NRG3: variants seen among roughly 807,000 people sequenced by gnomAD.
NRG3 encodes pro-neuregulin-3, membrane-bound isoform.
Under a neutral mutation model 66.9 loss-of-function variants are expected in NRG3, and 31 were observed. The ratio of observed to expected loss-of-function variants is 0.46; its 90% confidence interval spans 0.35 to 0.63. The LOEUF (loss-of-function observed/expected upper bound fraction) is 0.63. Ranked by LOEUF, NRG3 falls within the 20% of genes least tolerant of loss-of-function variation. The pLI, the probability that NRG3 is intolerant of heterozygous loss-of-function variation, is 0.00. For synonymous variants in NRG3, 393 were observed against 359.4 expected, an observed-to-expected ratio of 1.09 and a Z score of -1.06; for missense variants, 910 against 878.9, an observed-to-expected ratio of 1.04 and a Z score of -0.45.
rs141112949 is a variant in NRG3, at chr10:82,582,662, T to TTGTGTG, written c.954-155883_954-155878dup. On this transcript the variant is annotated intron_variant, in intron 2 of 8. Coordinates refer to ENST00000372141, the MANE Select transcript of NRG3 (RefSeq NM_001010848.4). ...GAAGAGGGAAAAATATCTATATGTG[T>TTGTGTG]TGTGTGTGTGTGTGTGTGTGTGTGT... Among the ~76,000 whole-genome samples the TTGTGTG allele has an allele frequency of 8.4e-3, 1,237 of 146,464 alleles. 14 individuals carry two copies. The highest frequency in any genetic ancestry group is 0.018 in the African/African-American group (744 of 40,306).
At chr10:82,590,830 T>C (rs910337353) in intron 2 of NRG3, among the ~76,000 whole-genome samples, 1 of 152,084 alleles carries the variant, frequency 6.6e-6, no homozygotes, top group Non-Finnish European at 1.5e-5. Flanking sequence ...AGGTGTTGGG[T>C]GCAAAGGAAG....
chr10:82,833,550 G>C (rs2062631814), intron 3 of NRG3, among the ~76,000 whole-genome samples: 1 of 152,122 alleles, frequency 6.6e-6, no homozygotes, highest in African/African-American at 2.4e-5. Context: ...CATTCTACTT[G>C]ATGGAATCCA....
chr10:82,231,609 A>G (rs868294625), intron 1 of NRG3, among the ~76,000 whole-genome samples: 3 of 152,242 alleles, frequency 2.0e-5, no homozygotes, highest in Non-Finnish European at 4.4e-5. Context: ...CAAGAAATCA[A>G]TAGGAATGGA....
chr10:82,151,288 T>G (rs2132787968), intron 1 of NRG3, among the ~76,000 whole-genome samples: 1 of 152,288 alleles, frequency 6.6e-6, no homozygotes. Context: ...GACTAAGAAT[T>G]AATTTGGGAT....
At chr10:81,904,871 C>T (rs533695756) in intron 1 of NRG3, among the ~76,000 whole-genome samples, 3 of 152,198 alleles carry the variant, frequency 2.0e-5, no homozygotes, top group South Asian at 4.1e-4. Flanking sequence ...TGGTACCTGC[C>T]TCAGAGGGTT....
rs535839887 is a variant in NRG3, at chr10:82,882,758, G to T, written c.1054+17321G>T. Among the ~76,000 whole-genome samples, 3 of 152,202 alleles carry T rather than the reference G, an allele frequency of 2.0e-5. No individual in the cohort carries two copies. In the South Asian group the frequency reaches 6.2e-4, roughly 32 times the overall value. ...TTCCCAGAGCCTTTGGCTAGTTTGT[G>T]TAGGACTTCCATATGCCACAAAGGC... On this transcript the variant is annotated intron_variant, in intron 4 of 8. Transcript: ENST00000372141.
Position 82,985,256 on chromosome 10 carries a change from G to C in NRG3, c.1742G>C (p.Gly581Ala), listed in dbSNP as rs987806444. Residue 581 changes from glycine (G) to alanine (A), a missense_variant, in exon 9 of 9, where the codon GGT (glycine) becomes GCT (alanine). Transcript: ENST00000372141. The stretch of plus-strand genomic sequence containing the variant: ...TCTGTGCCCATCATCCCTTCAGTGG[G>C]TTTAGAGGAAACCTGCCTGCAAATG... ...ASSVPIIPSVGLEETCLQMPG... is the reference protein window; with the variant it reads ...ASSVPIIPSVALEETCLQMPG... The C allele has an allele frequency of 2.0e-5, 33 of 1,614,032 alleles. No individual in the cohort carries two copies. Among genetic ancestry groups the C allele is most frequent in the Non-Finnish European group, 2.3e-5 (27 of 1,180,012 alleles).
chr10:82,651,010 C>T (rs924073299), intron 2 of NRG3, among the ~76,000 whole-genome samples: 1 of 152,014 alleles, frequency 6.6e-6, no homozygotes, highest in African/African-American at 2.4e-5. Context: ...AGTTTGCATA[C>T]AAAAATCTAT....
At chr10:82,823,187 G>A (rs180984551) in intron 3 of NRG3, among the ~76,000 whole-genome samples, 35 of 152,250 alleles carry the variant, frequency 2.3e-4, no homozygotes, top group African/African-American at 8.2e-4. Flanking sequence ...AATCCTACCT[G>A]TGGAGAGAGG....
At chr10:82,637,041 G>C (rs915918101) in intron 2 of NRG3, among the ~76,000 whole-genome samples, 5 of 152,060 alleles carry the variant, frequency 3.3e-5, no homozygotes, top group Non-Finnish European at 7.4e-5. Context: ...CAGGATTTTT[G>C]CTAAATGACT....
chr10:82,804,829 A>C lies in NRG3; in HGVS notation c.1028-60582A>C, dbSNP rs559413461. Among the ~76,000 whole-genome samples, 3 of 152,316 alleles carry C rather than the reference A, an allele frequency of 2.0e-5. No individual in the cohort carries two copies. In the East Asian group the frequency reaches 5.8e-4, roughly 29 times the overall value. ...GAGCCACAGAATTTCAACATAGCCT[A>C]TCTGGGAAGGTACACATTCTCAAAT... On this transcript the variant is annotated intron_variant, in intron 3 of 8. Transcript: ENST00000372141.
intron 1 of NRG3, among the ~76,000 whole-genome samples, chr10:82,004,585 A>G (rs558361835): frequency 9.1e-4 from 139 of 152,352 alleles, no homozygotes; most frequent in African/African-American, 3.2e-3. Context: ...TGACATCAGC[A>G]CTGGGCTTTG....
chr10:81,924,285 G>A (rs766489614), intron 1 of NRG3, among the ~76,000 whole-genome samples: 1 of 152,172 alleles, frequency 6.6e-6, no homozygotes, highest in African/African-American at 2.4e-5. Context: ...ACAGAAATAT[G>A]CTCCTAAAGT....
rs141382753 is a variant in NRG3, at chr10:82,548,433, CTTA to C, written c.953+189568_953+189570del. Among the ~76,000 whole-genome samples the C allele has an allele frequency of 3.9e-3, 589 of 151,830 alleles. 4 individuals carry two copies. Among genetic ancestry groups the C allele is most frequent in the African/African-American group, 0.014 (573 of 41,426 alleles). On this transcript the variant is annotated intron_variant, in intron 2 of 8. Coordinates refer to ENST00000372141, the MANE Select transcript of NRG3 (RefSeq NM_001010848.4). ...AATTGACTGATCTATCTCATTGATA[CTTA>C]TTGTCTGAATAATCATGGCCTTGTT...
At chr10:82,787,981 A>G (rs866845131) in intron 3 of NRG3, among the ~76,000 whole-genome samples, 1 of 152,340 alleles carries the variant, frequency 6.6e-6, no homozygotes, top group South Asian at 2.1e-4. Context: ...AACTCATCAA[A>G]TGAAAAAGAA....
chr10:82,796,312 G>C (rs925987856), intron 3 of NRG3, among the ~76,000 whole-genome samples: 2 of 152,108 alleles, frequency 1.3e-5, no homozygotes, highest in African/African-American at 4.8e-5. Context: ...TCTGAAAGCC[G>C]ACTGGTACCC....
At chr10:82,772,791 G>C (rs896720679) in intron 3 of NRG3, among the ~76,000 whole-genome samples, 1 of 140,918 alleles carries the variant, frequency 7.1e-6, no homozygotes, top group Non-Finnish European at 1.5e-5. Context: ...TTGCAGCCTC[G>C]ACCTCCTGGG....
intron 1 of NRG3, chr10:82,232,581 C>T (rs2076537286): frequency 5.2e-6 from 3 of 582,034 alleles, no homozygotes; most frequent in Non-Finnish European, 9.4e-6. Flanking sequence ...TTTCTGGTTA[C>T]TAATACAGAC....
intron 1 of NRG3, among the ~76,000 whole-genome samples, chr10:82,046,026 G>A (rs1035896930): frequency 4.9e-5 from 7 of 143,052 alleles, no homozygotes; most frequent in African/African-American, 7.8e-5. Context: ...TGTTCTTTTG[G>A]CTTAGGATTG....
Sources: gnomAD v4.1 joint callset for allele counts (sites outside exome capture counted in the v4.1 genomes callset) on GRCh38, gnomAD v4.1.1 for gene constraint, MANE v1.5 for transcripts, NCBI Gene and HGNC (gene_info 2026-07-23, HGNC 2026-07-21) for gene names.